The following GLI3 variants were observed in gnomAD, a reference collection of about 807,000 sequenced individuals.
GLI3 encodes transcription activator GLI3.
A neutral mutation model predicts 100.8 loss-of-function variants in GLI3; 20 were observed. The ratio of observed to expected loss-of-function variants is 0.20; its 90% confidence interval spans 0.14 to 0.29. The LOEUF (loss-of-function observed/expected upper bound fraction) is 0.29. GLI3 is among the 10% of genes least tolerant of loss of function. GLI3 has a pLI of 1.00. For synonymous variants in GLI3, 938 were observed against 860.5 expected (o/e 1.09, Z -1.58); for missense variants, 2,040 against 2,128.5 (o/e 0.96, Z 0.82).
chr7:42,079,311 C>T (rs189049796), intron 3 of GLI3, among the ~76,000 whole-genome samples: 204 of 152,216 alleles, frequency 1.3e-3, no homozygotes, highest in Non-Finnish European at 2.2e-3. Flanking sequence ...AATTATGCAC[C>T]CTTCTTAAAA....
At chr7:42,175,504 G>C (rs975642062) in intron 2 of GLI3, among the ~76,000 whole-genome samples, 15 of 152,082 alleles carry the variant, frequency 9.9e-5, no homozygotes, top group Non-Finnish European at 2.1e-4. Flanking sequence ...TGTAATCCTA[G>C]CTATCTGGGT....
chr7:42,143,759 A>G (rs939134185), intron 3 of GLI3, among the ~76,000 whole-genome samples: 1 of 152,232 alleles, frequency 6.6e-6, no homozygotes, highest in African/African-American at 2.4e-5. Context: ...TACCAGTGGT[A>G]TGTTTTCAAT....
At position 42,048,628 on chromosome 7, in the gene GLI3, T is replaced by C; in HGVS notation, c.542A>G (p.Asn181Ser). The change falls in exon 5 of 15, where the codon AAC (asparagine) becomes AGC (serine). Residue 181 changes from asparagine (N) to serine (S), a missense_variant. By Grantham distance (46) the Asn-to-Ser change is conservative. This residue lies in a region of GLI3 where 603 missense variants were observed against 690.9 expected (regional missense o/e 0.87). Transcript: ENST00000395925. ...GGGAGACTCGGAAGCAGCAGTGGGG[T>C]TCCGGTGTGGGGAGATCCTAATGAA... ...LPFIRISPHR[N>S]PTAASESPFS... 1 of 1,609,690 alleles carries C rather than the reference T, an allele frequency of 6.2e-7. No individual in the cohort carries two copies. Among genetic ancestry groups the C allele is most frequent in the South Asian group, 1.1e-5 (1 of 90,732 alleles).
intron 3 of GLI3, among the ~76,000 whole-genome samples, chr7:42,102,586 G>A (rs1422869766): frequency 1.3e-5 from 2 of 152,256 alleles, no homozygotes; most frequent in East Asian, 3.8e-4. Context: ...CCACCGAGCA[G>A]CTGTACAGGC....
At chr7:42,010,424 C>T (rs943010626) in intron 10 of GLI3, among the ~76,000 whole-genome samples, 3 of 152,214 alleles carry the variant, frequency 2.0e-5, no homozygotes, top group African/African-American at 7.2e-5. Flanking sequence ...ATCGATAGCA[C>T]ACCTGACCAC....
At chr7:42,006,887 T>C (rs996901027) in intron 10 of GLI3, among the ~76,000 whole-genome samples, 2 of 152,130 alleles carry the variant, frequency 1.3e-5, no homozygotes, top group African/African-American at 4.8e-5. Context: ...ATTTCTTAGT[T>C]TCTAAATTTC....
chr7:42,174,192 C>A (rs1011083245), intron 2 of GLI3, among the ~76,000 whole-genome samples: 7 of 152,136 alleles, frequency 4.6e-5, no homozygotes, highest in Admixed American at 2.0e-4. Context: ...GGCAATTTTA[C>A]TGAATTTAAA....
intron 2 of GLI3, among the ~76,000 whole-genome samples, chr7:42,196,585 A>T (rs2128690768): frequency 6.6e-6 from 1 of 152,360 alleles, no homozygotes; most frequent in East Asian, 1.9e-4. Context: ...TAAAGAGGTC[A>T]CCACCTTTGT....
intron 13 of GLI3, among the ~76,000 whole-genome samples, chr7:41,968,748 GAAA>G (rs1787281318): frequency 8.2e-6 from 1 of 122,156 alleles, no homozygotes; most frequent in Non-Finnish European, 1.7e-5. Flanking sequence ...AAGAAAGAAA[GAAA>G]GAAAGAAAGA....
chr7:42,177,698 T>A (rs3779166), intron 2 of GLI3, among the ~76,000 whole-genome samples: 33,210 of 152,054 alleles, frequency 0.22, 5,107 homozygotes, highest in African/African-American at 0.43. Flanking sequence ...AGTAAATTAA[T>A]GTGAAAAAAC....
At chr7:42,218,744 T>C (rs1321883031) in intron 2 of GLI3, among the ~76,000 whole-genome samples, 2 of 152,210 alleles carry the variant, frequency 1.3e-5, no homozygotes, top group African/African-American at 4.8e-5. Context: ...GTTAGGATAA[T>C]AATTTCTGCT....
At chr7:42,222,943 T>C in intron 2 of GLI3, 187 bp downstream of exon 2, 1 of 661,188 alleles carries the variant, frequency 1.5e-6, no homozygotes, top group Admixed American at 2.2e-5. Flanking sequence ...ACGTGTAGGT[T>C]GAGTGCCAAA....
At chr7:42,199,601 C>T (rs913637339) in intron 2 of GLI3, among the ~76,000 whole-genome samples, 3 of 152,120 alleles carry the variant, frequency 2.0e-5, no homozygotes, top group East Asian at 1.9e-4. Flanking sequence ...TATATATGTG[C>T]GTGTATGTGT....
intron 3 of GLI3, among the ~76,000 whole-genome samples, chr7:42,091,344 C>T (rs1785213834): frequency 6.6e-6 from 1 of 152,196 alleles, no homozygotes; most frequent in African/African-American, 2.4e-5. Context: ...GGTCCCCTAC[C>T]TCACCCAGGC....
intron 12 of GLI3, among the ~76,000 whole-genome samples, chr7:41,976,564 A>G (rs1787519398): frequency 6.6e-6 from 1 of 152,184 alleles, no homozygotes; most frequent in Non-Finnish European, 1.5e-5. Flanking sequence ...AAGATCATGA[A>G]TGTGTTTGAC....
intron 10 of GLI3, among the ~76,000 whole-genome samples, chr7:41,995,714 A>C (rs1448868934): frequency 1.3e-5 from 2 of 152,184 alleles, no homozygotes; most frequent in Non-Finnish European, 2.9e-5. Context: ...ACAGAAGAGA[A>C]GGGGTGCTGT....
At chr7:42,128,000 C>G (rs1458210911) in intron 3 of GLI3, among the ~76,000 whole-genome samples, 5 of 123,582 alleles carry the variant, frequency 4.0e-5, no homozygotes. Flanking sequence ...GCCTGGGCGA[C>G]AGAGCAAGAC....
chr7:42,141,256 G>T (rs2128782493), intron 3 of GLI3, among the ~76,000 whole-genome samples: 1 of 152,332 alleles, frequency 6.6e-6, no homozygotes, highest in Middle Eastern at 3.4e-3. Flanking sequence ...ATACCTACTT[G>T]TTCGATGCCA....
intron 3 of GLI3, among the ~76,000 whole-genome samples, chr7:42,140,088 C>A (rs1019270929): frequency 3.9e-5 from 6 of 152,202 alleles, no homozygotes; most frequent in Admixed American, 3.3e-4. Context: ...GGCTTCCAGG[C>A]CTTGACAAAT....
Sources: gnomAD v4.1 joint callset for allele counts (sites outside exome capture counted in the v4.1 genomes callset) on GRCh38, gnomAD v4.1.1 for gene constraint, gnomAD v4.1.1 regional missense constraint, MANE v1.5 for transcripts, NCBI Gene and HGNC (gene_info 2026-07-23, HGNC 2026-07-21) for gene names.